The following UCHL5 variants were observed in gnomAD, a reference collection of about 807,000 sequenced individuals.
The protein encoded by UCHL5 is ubiquitin C-terminal hydrolase L5, also known as ubiquitin carboxyl-terminal hydrolase isozyme L5.
Under a neutral mutation model 53.8 loss-of-function variants are expected in UCHL5, and 34 were observed. That is an observed-to-expected ratio of 0.63 (90% CI 0.48 to 0.84). The LOEUF (loss-of-function observed/expected upper bound fraction) is 0.84. Ranked by LOEUF, UCHL5 falls within the 40% of genes least tolerant of loss-of-function variation. UCHL5 has a pLI of 0.00. For missense variants in UCHL5, 290 were observed against 385.6 expected (o/e 0.75, Z 2.08); for synonymous variants, 111 against 126.3 (o/e 0.88, Z 0.81).
chr1:193,052,050 A>AT (rs1465349107), intron 1 of UCHL5, among the ~76,000 whole-genome samples: 7 of 152,166 alleles, frequency 4.6e-5, no homozygotes, highest in Non-Finnish European at 7.4e-5. Flanking sequence ...TTACCACTCT[A>AT]TGACTGTTCC....
chr1:193,053,660 C>T (rs779884808), intron 1 of UCHL5, among the ~76,000 whole-genome samples: 1 of 152,136 alleles, frequency 6.6e-6, no homozygotes, highest in Non-Finnish European at 1.5e-5. Flanking sequence ...AGGATATTTA[C>T]GTGCTTCATC....
intron 7 of UCHL5, 126 bp downstream of exon 7, chr1:193,027,959 C>T (rs754300399): frequency 1.9e-5 from 29 of 1,495,032 alleles, no homozygotes; most frequent in East Asian, 1.8e-4. Flanking sequence ...CCCGTCTCTA[C>T]GAAAAATTAA....
intron 3 of UCHL5, among the ~76,000 whole-genome samples, chr1:193,034,944 C>G (rs1373801366): frequency 3.3e-5 from 5 of 151,652 alleles, no homozygotes; most frequent in Non-Finnish European, 7.4e-5. Context: ...AATAAAAAAG[C>G]TGGAGTAAAC....
intron 1 of UCHL5, among the ~76,000 whole-genome samples, chr1:193,055,339 TTAAGA>T (rs1383590505): frequency 6.6e-6 from 1 of 152,182 alleles, no homozygotes; most frequent in Admixed American, 6.5e-5. Context: ...GCCCCCCTTG[TTAAGA>T]TTAGTTCTCT....
At chr1:193,029,056 ATTATATT>A in intron 6 of UCHL5, 116 bp downstream of exon 6, 1 of 1,185,414 alleles carries the variant, frequency 8.4e-7, no homozygotes, top group East Asian at 2.4e-5. Context: ...TAAGGCCTTC[ATTATATT>A]ATGTTACCTC....
intron 3 of UCHL5, among the ~76,000 whole-genome samples, chr1:193,040,686 G>A (rs888129131): frequency 3.3e-5 from 5 of 152,140 alleles, no homozygotes; most frequent in African/African-American, 1.2e-4. Flanking sequence ...AGAGATATCT[G>A]CACTCCTTGT....
chr1:193,021,304 T>A, intron 9 of UCHL5, 109 bp from the exon 10 acceptor site: 1 of 669,298 alleles, frequency 1.5e-6, no homozygotes, highest in Admixed American at 3.0e-5. Flanking sequence ...CATAAGAAAA[T>A]GATTTTAGAA....
At chr1:193,023,157 G>C in intron 8 of UCHL5, 121 bp from the exon 9 acceptor site, 1 of 693,984 alleles carries the variant, frequency 1.4e-6, no homozygotes, top group Middle Eastern at 3.6e-4. Context: ...ATTGATAGCA[G>C]CATGCCCGCC....
At chr1:193,044,041 C>T (rs987200625) in intron 3 of UCHL5, among the ~76,000 whole-genome samples, 2 of 152,170 alleles carry the variant, frequency 1.3e-5, no homozygotes, top group Non-Finnish European at 2.9e-5. Context: ...GATCCCCCCA[C>T]CACAAACCTG....
At chr1:193,032,495 A>G (rs1440271801) in intron 3 of UCHL5, among the ~76,000 whole-genome samples, 1 of 152,216 alleles carries the variant, frequency 6.6e-6, no homozygotes, top group Non-Finnish European at 1.5e-5. Flanking sequence ...AAACACCAAA[A>G]GCAATTGCAA....
At chr1:193,038,294 A>G (rs2102620794) in intron 3 of UCHL5, among the ~76,000 whole-genome samples, 1 of 152,174 alleles carries the variant, frequency 6.6e-6, no homozygotes, top group East Asian at 1.9e-4. Flanking sequence ...GTCTCCACTA[A>G]AAATACAAAA....
Position 193,013,287 on chromosome 1 carries a change from T to C in UCHL5, c.*3064A>G, listed in dbSNP as rs1654417527. On this transcript the variant is annotated 3_prime_UTR_variant, in exon 11 of 11. Transcript: ENST00000367454. ...TTGGATGGGAGTAATCTCTGGAGAC[T>C]TAAGCTTGAAACCGCTCCTCCAAAC... 6.6e-6 allele frequency: 1 copy of C among 152,174 alleles called. No homozygotes were observed. Among genetic ancestry groups the C allele is most frequent in the South Asian group, 2.1e-4 (1 of 4,836 alleles). 9.4% of individuals were successfully genotyped at this position (152,174 alleles called of 1,614,324 possible).
intron 3 of UCHL5, among the ~76,000 whole-genome samples, chr1:193,032,719 T>C (rs949516179): frequency 1.3e-5 from 2 of 152,132 alleles, no homozygotes; most frequent in African/African-American, 4.8e-5. Context: ...GGGCAAAGGA[T>C]ATGAACAGAC....
intron 3 of UCHL5, among the ~76,000 whole-genome samples, chr1:193,038,653 C>T (rs1484345955): frequency 1.3e-5 from 2 of 151,994 alleles, no homozygotes; most frequent in African/African-American, 2.4e-5. Flanking sequence ...CTTAGAAAAA[C>T]CTAAAGACCA....
intron 9 of UCHL5, among the ~76,000 whole-genome samples, chr1:193,021,431 G>A (rs925761867): frequency 6.6e-6 from 1 of 152,090 alleles, no homozygotes; most frequent in Non-Finnish European, 1.5e-5. Flanking sequence ...GCCTTTAAAA[G>A]TCCAATCTAA....
At chr1:193,050,829 C>G (rs1404632540) in intron 2 of UCHL5, among the ~76,000 whole-genome samples, 1 of 151,958 alleles carries the variant, frequency 6.6e-6, no homozygotes, top group Non-Finnish European at 1.5e-5. Flanking sequence ...ACTATGTTGC[C>G]TGGGCTAGAC....
intron 7 of UCHL5, among the ~76,000 whole-genome samples, chr1:193,026,282 T>C (rs2102399720): frequency 6.6e-6 from 1 of 151,782 alleles, no homozygotes; most frequent in East Asian, 2.0e-4. Flanking sequence ...ATTCATAGTG[T>C]CAAATATTGA....
chr1:193,059,379 C>T (rs745852506), upstream of UCHL5: 2 of 1,607,618 alleles, frequency 1.2e-6, no homozygotes, highest in Non-Finnish European at 1.7e-6. This position sits in a 1 kb window ranked among gnomAD's most constrained non-coding sequence, Gnocchi z 4.9. Context: ...CACGTCACCC[C>T]GCCTACTTCC....
In UCHL5 at chr1:193,016,275, T is replaced by C; in HGVS notation, c.*76A>G. 6.4e-7 allele frequency: 1 copy of C among 1,551,726 alleles called. No homozygotes were observed. Among genetic ancestry groups the C allele is most frequent in the Non-Finnish European group, 8.7e-7 (1 of 1,145,964 alleles). ...TGCACTGAGCCAATTAGGATGTTGC[T>C]CTAAGTTCTTTATACATAATGGTTT... On this transcript the variant is annotated 3_prime_UTR_variant, in exon 11 of 11. Coordinates refer to ENST00000367454, the MANE Select transcript of UCHL5 (RefSeq NM_001199261.3).
Sources: gnomAD v4.1 joint callset for allele counts (sites outside exome capture counted in the v4.1 genomes callset) on GRCh38, gnomAD v4.1.1 for gene constraint, Gnocchi (gnomAD v3.1) non-coding constraint, MANE v1.5 for transcripts, NCBI Gene and HGNC (gene_info 2026-07-23, HGNC 2026-07-21) for gene names.